Variants in RNF38 observed in about 807,000 individuals in gnomAD.
RNF38 encodes E3 ubiquitin-protein ligase RNF38.
A neutral mutation model predicts 67.2 loss-of-function variants in RNF38; 15 were observed. The ratio of observed to expected loss-of-function variants is 0.22; its 90% CI spans 0.15 to 0.34. The LOEUF (loss-of-function observed/expected upper bound fraction) is 0.34, where lower values mean the gene tolerates loss of function less well. Among genes scored for constraint, RNF38 ranks in the 10% least tolerant of loss-of-function variants. RNF38 has a pLI of 1.00. For missense variants in RNF38, 524 were observed against 639.9 expected, an observed-to-expected ratio of 0.82 and a Z score of 1.95; for synonymous variants, 220 against 218.8, an observed-to-expected ratio of 1.01 and a Z score of -0.05.
At chr9:36,381,905 C>T (rs2248297) in intron 2 of RNF38, among the ~76,000 whole-genome samples, 146,807 of 152,294 alleles carry the variant, frequency 0.96, 70,801 homozygotes, top group Non-Finnish European at 0.99. Context: ...AAAATGTTTT[C>T]ACAGAGTTGG....
Position 36,356,395 on chromosome 9 carries a change from G to A in RNF38, c.817C>T (p.Leu273Phe). Residue 273 changes from leucine to phenylalanine, a missense_variant, in exon 6 of 12, where the codon CTT becomes TTT. Leu to Phe is a conservative substitution (Grantham distance 22). This residue lies in a region of RNF38 where 461 missense variants were observed against 517.4 expected (regional missense o/e 0.89). Transcript: ENST00000259605. ...GGAGAAAGGTGAGGAGGATGTATAA[G>A]AAATGGATCACTAGAAATAAGGGGT... ...FPPLISSDPF[L>F]IHPPHLSPHH... The A allele has an allele frequency of 6.2e-7, 1 of 1,614,014 alleles. No homozygotes were observed. The highest frequency in any genetic ancestry group is 8.5e-7 in the Non-Finnish European group (1 of 1,179,964).
intron 1 of RNF38, among the ~76,000 whole-genome samples, chr9:36,464,329 G>A (rs986546329): frequency 3.3e-5 from 5 of 152,042 alleles, no homozygotes; most frequent in Middle Eastern, 3.2e-3. Context: ...AGCACTTTAG[G>A]AGGCCAAGGC....
At chr9:36,372,213 G>A (rs1197096123) in intron 3 of RNF38, among the ~76,000 whole-genome samples, 2 of 152,164 alleles carry the variant, frequency 1.3e-5, no homozygotes, top group African/African-American at 4.8e-5. Context: ...ACAGGCGTGA[G>A]CCACCGCGCC....
intron 1 of RNF38, among the ~76,000 whole-genome samples, chr9:36,393,478 T>TGTGC (rs1837277521): frequency 9.2e-5 from 1 of 10,906 alleles, no homozygotes; most frequent in African/African-American, 2.5e-4. Flanking sequence ...ACACACACAT[T>TGTGC]GTGTGTGTGT....
At chr9:36,479,353 G>C (rs1350385771) in intron 1 of RNF38, among the ~76,000 whole-genome samples, 3 of 152,222 alleles carry the variant, frequency 2.0e-5, no homozygotes, top group Non-Finnish European at 4.4e-5. Context: ...CAGAGGAAGA[G>C]GAACTGGAGC....
chr9:36,399,493 A>G (rs1020846841), intron 1 of RNF38, among the ~76,000 whole-genome samples: 1 of 146,430 alleles, frequency 6.8e-6, no homozygotes, highest in Non-Finnish European at 1.5e-5. Context: ...AAATATATAT[A>G]ATATATTATA....
exon 1 of RNF38, chr9:36,487,332 C>T (rs1177632401): frequency 4.1e-6 from 4 of 985,258 alleles, no homozygotes; most frequent in Non-Finnish European, 4.8e-6. Flanking sequence ...CGGCCGCAGG[C>T]GCCGCCACCC....
At chr9:36,473,378 A>C (rs1840042497) in intron 1 of RNF38, among the ~76,000 whole-genome samples, 1 of 152,144 alleles carries the variant, frequency 6.6e-6, no homozygotes. Flanking sequence ...ACCTGAGGTC[A>C]GGAGTTCAAG....
At chr9:36,484,198 C>T (rs1840345808) in intron 1 of RNF38, among the ~76,000 whole-genome samples, 1 of 152,204 alleles carries the variant, frequency 6.6e-6, no homozygotes, top group African/African-American at 2.4e-5. Flanking sequence ...TCCTGGAGCA[C>T]ATCTATTTCA....
intron 1 of RNF38, among the ~76,000 whole-genome samples, chr9:36,443,808 G>A (rs1839246942): frequency 6.6e-6 from 1 of 152,190 alleles, no homozygotes; most frequent in African/African-American, 2.4e-5. Flanking sequence ...AGCGAGTGGA[G>A]AGAAAACAGG....
At chr9:36,473,917 C>T (rs78339729) in intron 1 of RNF38, among the ~76,000 whole-genome samples, 1,519 of 144,602 alleles carry the variant, frequency 0.011, 24 homozygotes, top group East Asian at 0.066. Flanking sequence ...ACCTGGGAGG[C>T]GGACGTTGCA....
At chr9:36,380,111 G>A (rs1836098990) in intron 2 of RNF38, among the ~76,000 whole-genome samples, 1 of 152,180 alleles carries the variant, frequency 6.6e-6, no homozygotes, top group South Asian at 2.1e-4. Context: ...CTCTATTAAT[G>A]TAAACTCTAA....
intron 1 of RNF38, among the ~76,000 whole-genome samples, chr9:36,438,152 G>T (rs1207522412): frequency 6.6e-6 from 1 of 152,108 alleles, no homozygotes; most frequent in African/African-American, 2.4e-5. Flanking sequence ...GCCCAGGCTG[G>T]TCTCCCAACT....
chr9:36,482,353 C>T (rs868074807), intron 1 of RNF38, among the ~76,000 whole-genome samples: 6,904 of 107,690 alleles, frequency 0.064, 589 homozygotes, highest in African/African-American at 0.22. Context: ...GTGCCCAGAC[C>T]TTTTTTTTTT....
chr9:36,446,601 G>A (rs1334711259), intron 1 of RNF38, among the ~76,000 whole-genome samples: 6 of 152,018 alleles, frequency 3.9e-5, no homozygotes, highest in Admixed American at 3.9e-4. Context: ...GAGGTCAGGA[G>A]TTTGAGACCA....
intron 1 of RNF38, among the ~76,000 whole-genome samples, chr9:36,469,522 G>A (rs140860571): frequency 0.012 from 1,758 of 151,620 alleles, 20 homozygotes; most frequent in South Asian, 0.018. Context: ...TTAGCCAGGC[G>A]TGGTGGCATA....
At position 36,448,882 on chromosome 9, in the gene RNF38, T is replaced by A. The variant is rs1839370853; in HGVS notation, n.242-24199A>T. 2.0e-5 allele frequency among the ~76,000 whole-genome samples: 3 copies of A among 152,186 alleles called. No homozygotes were observed. The South Asian group carries it at 6.2e-4, about 32-fold the overall frequency. ...TTAGCTGGGCGCCTGCAATCCCAGC[T>A]ACTCGGGAGGCTGAGGCAAGGGAAT... On this transcript the variant is annotated intron_variant and non_coding_transcript_variant, in intron 1 of 3. Coordinates refer to the RNF38 transcript ENST00000488058.
chr9:36,390,535 A>G lies in RNF38; in HGVS notation c.94T>C (p.Phe32Leu), dbSNP rs756425767. Residue 32 changes from phenylalanine to leucine, a missense_variant, in exon 2 of 12, where the codon TTC (phenylalanine) becomes CTC (leucine). Coordinates refer to ENST00000259605, the MANE Select transcript of RNF38 (RefSeq NM_022781.5). Reference protein sequence around the residue: ...ICERVRLQSLFPLLPSDQNTT... With the variant: ...ICERVRLQSLLPLLPSDQNTT... ...TTCTGATCACTTGGGAGGAGAGGGA[A>G]CAGGCTCTGAAGTCTCACCCTTTCA... The G allele has an allele frequency of 6.2e-7, 1 of 1,613,954 alleles. No individual in the cohort carries two copies. Among genetic ancestry groups the G allele is most frequent in the Non-Finnish European group, 8.5e-7 (1 of 1,179,876 alleles).
At chr9:36,470,453 C>A (rs953511401) in intron 1 of RNF38, among the ~76,000 whole-genome samples, 1 of 152,124 alleles carries the variant, frequency 6.6e-6, no homozygotes, top group African/African-American at 2.4e-5. Context: ...CTTACCAATC[C>A]TGTGGGAAAA....
Sources: allele counts gnomAD v4.1 joint callset (sites outside exome capture counted in the v4.1 genomes callset), GRCh38; gene constraint gnomAD v4.1.1; regional missense constraint gnomAD v4.1.1; transcripts MANE v1.5; gene names NCBI Gene and HGNC (gene_info 2026-07-23, HGNC 2026-07-21).